Variants in DACH1 observed in about 807,000 individuals in gnomAD.
DACH1 encodes the protein dachshund homolog 1.
A neutral mutation model predicts 54.2 loss-of-function variants in DACH1; 12 were observed. The ratio of observed to expected loss-of-function variants is 0.22; its 90% CI spans 0.14 to 0.36. The LOEUF (loss-of-function observed/expected upper bound fraction) is 0.36. Among genes scored for constraint, DACH1 ranks in the 10% least tolerant of loss-of-function variants. DACH1 has a pLI of 1.00. For synonymous variants in DACH1, 386 were observed against 366.2 expected, an observed-to-expected ratio of 1.05 and a Z score of -0.62; for missense variants, 805 against 929.8, an observed-to-expected ratio of 0.87 and a Z score of 1.75.
In DACH1 at chr13:71,713,748, G is replaced by A. The variant is rs188628268; in HGVS notation, c.849-31838C>T. The stretch of plus-strand genomic sequence containing the variant: ...ATTGTAGTAGCATCATTCCCATCTC[G>A]TTCAATAAAAGGTGTATTAGATTTT... On this transcript the variant is annotated intron_variant, in intron 1 of 10. Coordinates refer to ENST00000613252, the MANE Select transcript of DACH1 (RefSeq NM_080759.6). 6.5e-3 allele frequency among the ~76,000 whole-genome samples: 991 copies of A among 151,948 alleles called. 9 individuals carry two copies. Among genetic ancestry groups the A allele is most frequent in the African/African-American group, 0.023 (937 of 41,442 alleles).
intron 1 of DACH1, among the ~76,000 whole-genome samples, chr13:71,865,425 A>C (rs1346355606): frequency 1.3e-5 from 2 of 151,992 alleles, no homozygotes; most frequent in Non-Finnish European, 2.9e-5. Context: ...AGCCCTGCGG[A>C]GCAGGTCACG....
In DACH1 at chr13:71,866,873, G is replaced by A; in HGVS notation, c.-104C>T. On this transcript the variant is annotated 5_prime_UTR_variant, in exon 1 of 11. Coordinates refer to ENST00000613252, the MANE Select transcript of DACH1 (RefSeq NM_080759.6). ...AAAGGGGGGAGAAGGAGCGAGGGGG[G>A]CAACAACAACTCCGGGAGAGAACGA... The A allele has an allele frequency of 1.5e-6, 1 of 682,356 alleles. No homozygotes were observed. The highest frequency in any genetic ancestry group is 7.2e-5 in the South Asian group (1 of 13,972). The allele number at this position is 682,356 out of a possible 1,614,324, so 42.3% of individuals were successfully genotyped here.
In DACH1 at chr13:71,652,161, C is replaced by T. The variant is rs139610347; in HGVS notation, c.965-21444G>A. Among the ~76,000 whole-genome samples, 8 of 152,244 alleles carry T rather than the reference C, an allele frequency of 5.3e-5. No individual in the cohort carries two copies. The East Asian group carries it at 1.5e-3, about 29-fold the overall frequency. ...ATCGGTCTTTAGAACTAGCAATGCA[C>T]CAAGCCACACGAATGGAACAGTGAG... On this transcript the variant is annotated intron_variant, in intron 2 of 10. Transcript: ENST00000613252.
Position 71,553,984 on chromosome 13 carries a change from G to A in DACH1, c.1570+3040C>T, listed in dbSNP as rs183473147. On this transcript the variant is annotated intron_variant, in intron 6 of 10. Transcript: ENST00000613252. ...GTCCTTTGAATAATTTAGTTGGCAG[G>A]CAGCAAATTACATATAGGTTCAAGC... 1.5e-3 allele frequency among the ~76,000 whole-genome samples: 230 copies of A among 151,926 alleles called. 1 individual carries two copies. The highest frequency in any genetic ancestry group is 5.4e-3 in the African/African-American group (223 of 41,478).
chr13:71,665,702 C>T (rs552785833), intron 2 of DACH1, among the ~76,000 whole-genome samples: 1 of 151,962 alleles, frequency 6.6e-6, no homozygotes, highest in Admixed American at 6.6e-5. Flanking sequence ...GTTCATCTAA[C>T]AATTTTTTAT....
At chr13:71,769,355 A>G (rs1445221871) in intron 1 of DACH1, among the ~76,000 whole-genome samples, 3 of 151,722 alleles carry the variant, frequency 2.0e-5, no homozygotes, top group African/African-American at 7.2e-5. Flanking sequence ...CATTTAGCCT[A>G]TGAAGTGTTG....
intron 2 of DACH1, among the ~76,000 whole-genome samples, chr13:71,651,998 C>T (rs1024111023): frequency 6.6e-6 from 1 of 152,134 alleles, no homozygotes; most frequent in Non-Finnish European, 1.5e-5. Context: ...TTAATGAACC[C>T]TTCATGAGTG....
intron 6 of DACH1, among the ~76,000 whole-genome samples, chr13:71,500,962 G>A (rs1593795237): frequency 6.6e-6 from 1 of 151,928 alleles, no homozygotes. Flanking sequence ...CTTAACTTAA[G>A]CATTCATTTC....
intron 1 of DACH1, among the ~76,000 whole-genome samples, chr13:71,686,572 T>C (rs1280853466): frequency 1.3e-5 from 2 of 152,194 alleles, no homozygotes; most frequent in Non-Finnish European, 2.9e-5. Context: ...AATAAGAAGC[T>C]TAGTGCAAAA....
chr13:71,754,285 C>T (rs190395107), intron 1 of DACH1, among the ~76,000 whole-genome samples: 84 of 152,164 alleles, frequency 5.5e-4, no homozygotes, highest in African/African-American at 2.0e-3. Flanking sequence ...ATAGATACTC[C>T]CAATTAATAT....
intron 2 of DACH1, among the ~76,000 whole-genome samples, chr13:71,638,058 TC>T (rs1488174587): frequency 6.6e-6 from 1 of 152,218 alleles, no homozygotes; most frequent in Non-Finnish European, 1.5e-5. Context: ...ATGGGTTATA[TC>T]CAAGAGATGT....
chr13:71,634,346 C>T (rs1174210487), intron 2 of DACH1, among the ~76,000 whole-genome samples: 2 of 152,070 alleles, frequency 1.3e-5, no homozygotes, highest in East Asian at 1.9e-4. Flanking sequence ...TGGCTGTCAG[C>T]GCCCTTTGTT....
intron 1 of DACH1, among the ~76,000 whole-genome samples, chr13:71,689,576 C>T (rs1387241165): frequency 6.6e-6 from 1 of 152,112 alleles, no homozygotes; most frequent in Admixed American, 6.5e-5. Context: ...TGGCCTCTGA[C>T]CTCAAAAGTC....
In DACH1 at chr13:71,866,335, ACTGCTGCTGCTGCTG is replaced by A; in HGVS notation, c.420_434del (p.Ser159_Ser163del). Reference sequence around the variant, plus strand: ...TACTGCTGCTGCTGCTGCTGCTGCTACTGCTGCTGCTGCTGCTGCCGGTGCTGGCGTTGATGGGGG... The same window carrying A: ...TACTGCTGCTGCTGCTGCTGCTGCTACTGCCGGTGCTGGCGTTGATGGGGG... On this transcript the variant is annotated inframe_deletion, in exon 1 of 11. Transcript: ENST00000613252. 6.6e-7 allele frequency: 1 copy of A among 1,510,066 alleles called. No homozygotes were observed. The allele number at this position is 1,510,066 out of a possible 1,614,324, so 93.5% of individuals were successfully genotyped here.
intron 1 of DACH1, among the ~76,000 whole-genome samples, chr13:71,687,984 C>G (rs756167727): frequency 6.6e-6 from 1 of 152,210 alleles, no homozygotes; most frequent in Non-Finnish European, 1.5e-5. Context: ...GTGGACAAAT[C>G]ATGACCCTAG....
At chr13:71,538,152 C>A (rs1269879192) in intron 6 of DACH1, among the ~76,000 whole-genome samples, 2 of 152,010 alleles carry the variant, frequency 1.3e-5, no homozygotes, top group Non-Finnish European at 2.9e-5. Flanking sequence ...TTTAAGTATT[C>A]CACATTGATT....
At chr13:71,848,400 T>C (rs1873432801) in intron 1 of DACH1, among the ~76,000 whole-genome samples, 1 of 152,212 alleles carries the variant, frequency 6.6e-6, no homozygotes, top group African/African-American at 2.4e-5. Context: ...CTTTAGATTG[T>C]TATAGTTTAA....
intron 6 of DACH1, among the ~76,000 whole-genome samples, chr13:71,546,301 T>C (rs552287685): frequency 7.0e-4 from 107 of 152,130 alleles, no homozygotes; most frequent in Non-Finnish European, 1.3e-3. Context: ...AAGAGGGATA[T>C]ATAAAGAAGA....
At chr13:71,572,441 T>C (rs894695610) in intron 4 of DACH1, among the ~76,000 whole-genome samples, 2 of 152,126 alleles carry the variant, frequency 1.3e-5, no homozygotes, top group African/African-American at 4.8e-5. Flanking sequence ...AGATATTTAC[T>C]AGAATCAGGA....
Sources: gnomAD v4.1 joint callset for allele counts (sites outside exome capture counted in the v4.1 genomes callset) on GRCh38, gnomAD v4.1.1 for gene constraint, MANE v1.5 for transcripts, NCBI Gene and HGNC (gene_info 2026-07-23, HGNC 2026-07-21) for gene names.